MIPOL1: variants seen among roughly 807,000 people sequenced by gnomAD.
MIPOL1 encodes mirror-image polydactyly gene 1 protein.
In MIPOL1, 57 loss-of-function variants were observed where a neutral mutation model predicts 60.9. The ratio of observed to expected loss-of-function variants is 0.94; its 90% CI spans 0.76 to 1.17. The LOEUF (loss-of-function observed/expected upper bound fraction) is 1.17, where lower values mean the gene tolerates loss of function less well. MIPOL1 is among the 50% of genes most tolerant of loss of function. MIPOL1 has a pLI of 0.00. For missense variants in MIPOL1, 551 were observed against 511.6 expected (o/e 1.08, Z -0.74); for synonymous variants, 179 against 168.8 (o/e 1.06, Z -0.47).
intron 10 of MIPOL1, among the ~76,000 whole-genome samples, chr14:37,384,046 C>T (rs2092999698): frequency 6.6e-6 from 1 of 151,904 alleles, no homozygotes; most frequent in Non-Finnish European, 1.5e-5. Context: ...TACTGACACA[C>T]TGCCCTTTCC....
At chr14:37,499,650 C>T (rs1275941338) in intron 11 of MIPOL1, among the ~76,000 whole-genome samples, 1 of 152,188 alleles carries the variant, frequency 6.6e-6, no homozygotes, top group Non-Finnish European at 1.5e-5. Flanking sequence ...AATATTTACA[C>T]TGATATAATT....
chr14:37,545,702 G>C, intron 12 of MIPOL1: 1 of 652,062 alleles, frequency 1.5e-6, no homozygotes, highest in Non-Finnish European at 2.7e-6. Context: ...ATAAACTTCA[G>C]CTAGTTTTCA....
Position 37,500,002 on chromosome 14 carries a change from A to T in MIPOL1, c.1126A>T (p.Ile376Phe). The T allele has an allele frequency of 6.2e-7, 1 of 1,613,574 alleles. No individual in the cohort carries two copies. The highest frequency in any genetic ancestry group is 8.5e-7 in the Non-Finnish European group (1 of 1,179,526). Residue 376 changes from isoleucine (I) to phenylalanine (F), a missense_variant, in exon 12 of 13, where the codon ATT (isoleucine) becomes TTT (phenylalanine). Coordinates refer to ENST00000684589, the MANE Select transcript of MIPOL1 (RefSeq NM_001388067.1). Reference sequence around the variant, plus strand: ...AGAAGCTTTAAAAAACAGAGAGAACATTGTTTCCATCACTCAACAACAAAA... The same window carrying T: ...AGAAGCTTTAAAAAACAGAGAGAACTTTGTTTCCATCACTCAACAACAAAA... ...YEEALKNREN[I>F]VSITQQQNEE...
chr14:37,289,894 G>A (rs1248099641), intron 7 of MIPOL1, among the ~76,000 whole-genome samples: 1 of 152,082 alleles, frequency 6.6e-6, no homozygotes, highest in African/African-American at 2.4e-5. Context: ...AATCATTAGC[G>A]TACAAAAAGA....
intron 12 of MIPOL1, among the ~76,000 whole-genome samples, chr14:37,537,968 T>C (rs2095513808): frequency 6.6e-6 from 1 of 152,210 alleles, no homozygotes; most frequent in Non-Finnish European, 1.5e-5. Flanking sequence ...TTTTTTGATA[T>C]CTGTAAAAGC....
intron 11 of MIPOL1, among the ~76,000 whole-genome samples, chr14:37,470,835 A>G (rs2094677690): frequency 1.3e-5 from 2 of 152,174 alleles, no homozygotes; most frequent in South Asian, 4.1e-4. Context: ...TGTCATGGAA[A>G]TCAGGGAAAA....
At chr14:37,276,311 G>GT (rs2083655760) in intron 6 of MIPOL1, 1 of 150,980 alleles carries the variant, frequency 6.6e-6, no homozygotes. Flanking sequence ...TACAGAGAAT[G>GT]TTTATTTTCT....
chr14:37,285,167 A>G (rs1204016999), intron 6 of MIPOL1, 151 bp from the exon 7 acceptor site: 2 of 809,504 alleles, frequency 2.5e-6, no homozygotes, highest in Non-Finnish European at 1.8e-6. Flanking sequence ...TATTATTAAA[A>G]ATAATATTTT....
intron 9 of MIPOL1, among the ~76,000 whole-genome samples, chr14:37,368,036 G>C (rs1327583663): frequency 6.6e-6 from 1 of 152,022 alleles, no homozygotes; most frequent in Non-Finnish European, 1.5e-5. Context: ...TTTTAAAAAT[G>C]TGATAGGTGA....
In MIPOL1 at chr14:37,499,827, A is replaced by T. The variant is rs893829480; in HGVS notation, c.1032-81A>T. On this transcript the variant is annotated intron_variant, in intron 11 of 12. Coordinates refer to ENST00000684589, the MANE Select transcript of MIPOL1 (RefSeq NM_001388067.1). ...ATTGATTTTTAGAACTAGAGATTCTAAATGGAGGTTTTTGTTAAATAGATC... is the reference window on the plus strand; with the variant it reads ...ATTGATTTTTAGAACTAGAGATTCTTAATGGAGGTTTTTGTTAAATAGATC... 3.1e-5 allele frequency: 19 copies of T among 611,950 alleles called. 1 individual carries two copies. Among genetic ancestry groups the T allele is most frequent in the Middle Eastern group, 4.7e-4 (1 of 2,110 alleles). 37.9% of individuals were successfully genotyped at this position (611,950 alleles called of 1,614,324 possible). A position where few individuals can be genotyped will look rare whatever the true frequency, so the allele number is the denominator to read the frequency against.
intron 6 of MIPOL1, among the ~76,000 whole-genome samples, chr14:37,284,587 C>T (rs2084394969): frequency 6.6e-6 from 1 of 151,830 alleles, no homozygotes; most frequent in Admixed American, 6.6e-5. Flanking sequence ...TGGTGATCCA[C>T]CTGCCTCGGC....
At chr14:37,467,993 G>A (rs1326424551) in intron 11 of MIPOL1, among the ~76,000 whole-genome samples, 1 of 150,726 alleles carries the variant, frequency 6.6e-6, no homozygotes, top group Non-Finnish European at 1.5e-5. Context: ...GGCAGAGGTT[G>A]TAGTGAGCCG....
In MIPOL1 at chr14:37,343,768, G is replaced by A. The variant is rs145972674; in HGVS notation, c.829-25749G>A. On this transcript the variant is annotated intron_variant, in intron 9 of 12. Transcript: ENST00000684589. Reference sequence around the variant, plus strand: ...TTCAGAATTCATATGATCAATAAAAGGAAATTGCAGATCATATAGTAAATA... The same window carrying A: ...TTCAGAATTCATATGATCAATAAAAAGAAATTGCAGATCATATAGTAAATA... Among the ~76,000 whole-genome samples, 651 of 152,170 alleles carry A rather than the reference G, an allele frequency of 4.3e-3. 4 individuals carry two copies. Among genetic ancestry groups the A allele is most frequent in the African/African-American group, 0.015 (627 of 41,540 alleles).
chr14:37,443,749 CA>C (rs752472741), intron 11 of MIPOL1, among the ~76,000 whole-genome samples: 1,232 of 70,646 alleles, frequency 0.017, 14 homozygotes, highest in Middle Eastern at 0.12. Context: ...ATGATAGGCT[CA>C]AAAAAAAAAA....
chr14:37,207,393 G>A (rs893406228), intron 1 of MIPOL1, among the ~76,000 whole-genome samples: 1 of 152,060 alleles, frequency 6.6e-6, no homozygotes, highest in African/African-American at 2.4e-5. Context: ...TCTTTCTTTT[G>A]CAAATTGCCT....
At chr14:37,543,790 A>G (rs1379086896) in intron 12 of MIPOL1, among the ~76,000 whole-genome samples, 1 of 152,208 alleles carries the variant, frequency 6.6e-6, no homozygotes, top group African/African-American at 2.4e-5. Context: ...CTAAAATGCA[A>G]ATGATGTTAC....
chr14:37,272,782 C>CATTATATGTTATA (rs1412371494), intron 6 of MIPOL1, among the ~76,000 whole-genome samples: 13 of 151,476 alleles, frequency 8.6e-5, no homozygotes, highest in Admixed American at 4.0e-4. Context: ...TATAAGCACG[C>CATTATATGTTATA]ACACATACAT....
intron 11 of MIPOL1, among the ~76,000 whole-genome samples, chr14:37,487,666 G>A (rs1458897836): frequency 6.6e-6 from 1 of 152,176 alleles, no homozygotes; most frequent in African/African-American, 2.4e-5. Context: ...TTGTATTTCT[G>A]TGGGATCAGT....
intron 6 of MIPOL1, among the ~76,000 whole-genome samples, chr14:37,280,315 G>A (rs2084001358): frequency 6.6e-6 from 1 of 151,960 alleles, no homozygotes; most frequent in Non-Finnish European, 1.5e-5. Flanking sequence ...TACTTCTTTC[G>A]ACTCCTTTGG....
Sources: gnomAD v4.1 joint callset for allele counts (sites outside exome capture counted in the v4.1 genomes callset) on GRCh38, gnomAD v4.1.1 for gene constraint, MANE v1.5 for transcripts, NCBI Gene and HGNC (gene_info 2026-07-23, HGNC 2026-07-21) for gene names.